The following TLK2 variants were observed in gnomAD, a reference collection of about 807,000 sequenced individuals.
TLK2 encodes the protein tousled like kinase 2, also known as serine/threonine-protein kinase tousled-like 2.
TLK2 carries 6 observed loss-of-function variants against 117.3 expected under a neutral mutation model. The observed-to-expected ratio is 0.05, with a 90% CI of 0.03 to 0.10. The LOEUF is 0.10. Among genes scored for constraint, TLK2 ranks in the 10% least tolerant of loss-of-function variants. The pLI, the probability that TLK2 is intolerant of heterozygous loss-of-function variation, is 1.00. For missense variants in TLK2, 299 were observed against 901.2 expected (o/e 0.33, Z 8.56); for synonymous variants, 257 against 316.7 (o/e 0.81, Z 2.00).
intron 9 of TLK2, among the ~76,000 whole-genome samples, chr17:62,559,581 C>A (rs1361217245): frequency 6.6e-6 from 1 of 151,884 alleles, no homozygotes; most frequent in African/African-American, 2.4e-5. Context: ...TTTGACCACG[C>A]AGGCCAGGCT....
intron 9 of TLK2, among the ~76,000 whole-genome samples, chr17:62,555,799 T>C (rs971729853): frequency 1.3e-5 from 2 of 151,492 alleles, no homozygotes; most frequent in African/African-American, 4.9e-5. Context: ...TTTATATATT[T>C]ATTTTGAGAC....
At chr17:62,593,097 C>T (rs948516418) in intron 16 of TLK2, among the ~76,000 whole-genome samples, 1 of 152,220 alleles carries the variant, frequency 6.6e-6, no homozygotes, top group Non-Finnish European at 1.5e-5. Flanking sequence ...CAGTTCCTAA[C>T]AAGGCACGGA....
At chr17:62,494,724 G>T (rs968943003) in intron 2 of TLK2, among the ~76,000 whole-genome samples, 1 of 152,162 alleles carries the variant, frequency 6.6e-6, no homozygotes, top group African/African-American at 2.4e-5. Flanking sequence ...GTATAGTCTT[G>T]AGGCATTTAT....
In TLK2 at chr17:62,524,331, G is replaced by C; in HGVS notation, c.363G>C (p.Pro121=). ...SPQHSLSNPL[P]RRVEQPLYGL... is the part of the protein sequence containing the mutation. ...AACATTCCTTATCCAATCCCTTACCGGTAAGCATTCACCTGGAGAAATTTG... is the reference window on the plus strand; with the variant it reads ...AACATTCCTTATCCAATCCCTTACCCGTAAGCATTCACCTGGAGAAATTTG... The change falls in exon 6 of 22, where the codon CCG becomes CCC. Residue 121 remains proline (P), a splice_region_variant and synonymous_variant. Transcript: ENST00000346027. The C allele has an allele frequency of 6.2e-7, 1 of 1,610,220 alleles. No homozygotes were observed. Among genetic ancestry groups the C allele is most frequent in the Non-Finnish European group, 8.5e-7 (1 of 1,177,940 alleles).
At chr17:62,566,164 C>T (rs1462569420) in intron 11 of TLK2, among the ~76,000 whole-genome samples, 3 of 152,000 alleles carry the variant, frequency 2.0e-5, no homozygotes, top group African/African-American at 4.8e-5. Context: ...CTTCAGATTG[C>T]AGTACCTTTT....
chr17:62,518,293 A>T (rs1173517573), intron 2 of TLK2, among the ~76,000 whole-genome samples: 1 of 152,242 alleles, frequency 6.6e-6, no homozygotes, highest in African/African-American at 2.4e-5. Context: ...TTATTATTTC[A>T]TGTTTTATTC....
intron 17 of TLK2, 139 bp from the exon 18 acceptor site, chr17:62,600,511 AC>A (rs2082800326): frequency 1.4e-6 from 1 of 704,522 alleles, no homozygotes; most frequent in African/African-American, 1.8e-5. Context: ...TACTGAATAA[AC>A]AATTGAAGAG....
At position 62,479,269 on chromosome 17, in the gene TLK2, G is replaced by T; in HGVS notation, c.-27G>T. 6.1e-6 allele frequency: 1 copy of T among 164,464 alleles called. No individual in the cohort carries two copies. Among genetic ancestry groups the T allele is most frequent in the Non-Finnish European group, 1.3e-5 (1 of 78,228 alleles). 10.2% of individuals were successfully genotyped at this position (164,464 alleles called of 1,614,324 possible). A position where few individuals can be genotyped will look rare whatever the true frequency, so the allele number is the denominator to read the frequency against. On this transcript the variant is annotated 5_prime_UTR_variant, in exon 1 of 22. Transcript: ENST00000346027. ...GGGCCCCTCCCGGGAGGAGCGTGGAGCGGCGGCGGCGGCGGCGGCAGGTGA... is the reference window on the plus strand; with the variant it reads ...GGGCCCCTCCCGGGAGGAGCGTGGATCGGCGGCGGCGGCGGCGGCAGGTGA...
At chr17:62,573,112 T>G in intron 11 of TLK2, 103 bp from the exon 12 acceptor site, 1 of 1,349,602 alleles carries the variant, frequency 7.4e-7, no homozygotes, top group Non-Finnish European at 9.9e-7. Context: ...AAGGGGCTTA[T>G]TTTTTCTGAA....
intron 7 of TLK2, among the ~76,000 whole-genome samples, chr17:62,543,471 C>A (rs956314002): frequency 6.6e-6 from 1 of 152,168 alleles, no homozygotes; most frequent in African/African-American, 2.4e-5. Context: ...CAGTACATTC[C>A]AATTTCTCCA....
chr17:62,564,634 G>A (rs1326240845), intron 10 of TLK2, among the ~76,000 whole-genome samples: 1 of 151,944 alleles, frequency 6.6e-6, no homozygotes, highest in East Asian at 1.9e-4. Flanking sequence ...CTTGAACCCG[G>A]GAAGAAGAGG....
chr17:62,561,037 CTCATTGT>C (rs935153881), intron 10 of TLK2, among the ~76,000 whole-genome samples: 1 of 152,092 alleles, frequency 6.6e-6, no homozygotes, highest in African/African-American at 2.4e-5. Flanking sequence ...TCCATGTGTT[CTCATTGT>C]TCAATTCCCA....
chr17:62,588,024 AAT>A (rs1209821238), intron 16 of TLK2, among the ~76,000 whole-genome samples: 1 of 138,780 alleles, frequency 7.2e-6, no homozygotes, highest in African/African-American at 2.7e-5. Context: ...ATATGTATAA[AAT>A]ATACGTATAC....
chr17:62,502,784 C>A (rs2074318164), intron 2 of TLK2, among the ~76,000 whole-genome samples: 1 of 152,112 alleles, frequency 6.6e-6, no homozygotes, highest in Admixed American at 6.6e-5. Context: ...ATAATAGCAT[C>A]AAATAATGTG....
intron 6 of TLK2, among the ~76,000 whole-genome samples, chr17:62,533,462 C>G (rs577666981): frequency 1.3e-3 from 171 of 128,258 alleles, no homozygotes; most frequent in African/African-American, 4.8e-3. Flanking sequence ...GTGTGTGTGT[C>G]TGTGTGTGTG....
Position 62,613,204 on chromosome 17 carries a change from C to G in TLK2, c.*639C>G, listed in dbSNP as rs555033137. 1 of 152,670 alleles carries G rather than the reference C, an allele frequency of 6.6e-6. No individual in the cohort carries two copies. Among genetic ancestry groups the G allele is most frequent in the East Asian group, 1.9e-4 (1 of 5,190 alleles). 9.5% of individuals were successfully genotyped at this position (152,670 alleles called of 1,614,324 possible). A position where few individuals can be genotyped will look rare whatever the true frequency, so the allele number is the denominator to read the frequency against. On this transcript the variant is annotated 3_prime_UTR_variant, in exon 22 of 22. Transcript: ENST00000346027. ...AATACATTTGGTCATAAAGTGAAAC[C>G]CGTATTAGCAAGTACGTGGCAATGT...
At chr17:62,488,530 CTG>C (rs1425983017) in intron 2 of TLK2, among the ~76,000 whole-genome samples, 1 of 152,150 alleles carries the variant, frequency 6.6e-6, no homozygotes, top group African/African-American at 2.4e-5. Flanking sequence ...TTTTAAGGAA[CTG>C]TGGATTAATT....
At chr17:62,517,424 T>C (rs2075688064) in intron 2 of TLK2, among the ~76,000 whole-genome samples, 1 of 152,202 alleles carries the variant, frequency 6.6e-6, no homozygotes, top group African/African-American at 2.4e-5. Flanking sequence ...AGACGGAGTC[T>C]CGCTCTGTTG....
chr17:62,568,917 G>C (rs188439727), intron 11 of TLK2, among the ~76,000 whole-genome samples: 25 of 152,130 alleles, frequency 1.6e-4, no homozygotes, highest in Non-Finnish European at 7.4e-5. Flanking sequence ...TCATTTTGTT[G>C]ATTTTATAAA....
Sources: allele counts gnomAD v4.1 joint callset (sites outside exome capture counted in the v4.1 genomes callset), GRCh38; gene constraint gnomAD v4.1.1; transcripts MANE v1.5; gene names NCBI Gene and HGNC (gene_info 2026-07-23, HGNC 2026-07-21).